The following MED27 variants were observed in gnomAD, a reference collection of about 807,000 sequenced individuals.
The protein encoded by MED27 is mediator complex subunit 27.
MED27 carries 30 observed loss-of-function variants against 38.2 expected under a neutral mutation model. The ratio of observed to expected loss-of-function variants is 0.79; its 90% confidence interval spans 0.59 to 1.07. MED27 has a LOEUF of 1.07. Ranked by LOEUF, MED27 falls within the 50% of genes least tolerant of loss-of-function variation. The pLI, the probability that MED27 is intolerant of heterozygous loss-of-function variation, is 0.00. For missense variants in MED27, 289 were observed against 397.5 expected (o/e 0.73, Z 2.32); for synonymous variants, 122 against 153.5 (o/e 0.79, Z 1.52).
chr9:131,886,139 C>T (rs1275291964), intron 5 of MED27, among the ~76,000 whole-genome samples: 2 of 152,222 alleles, frequency 1.3e-5, no homozygotes, highest in Non-Finnish European at 2.9e-5. Context: ...TGAAACCTGG[C>T]TTTCTGAAAA....
chr9:132,056,150 G>A (rs1210053208), intron 2 of MED27, among the ~76,000 whole-genome samples: 1 of 152,136 alleles, frequency 6.6e-6, no homozygotes, highest in African/African-American at 2.4e-5. Context: ...AATAACTATG[G>A]CATATTTGCT....
intron 3 of MED27, among the ~76,000 whole-genome samples, chr9:131,947,756 G>A (rs938102048): frequency 1.3e-5 from 2 of 151,662 alleles, no homozygotes; most frequent in Non-Finnish European, 2.9e-5. Flanking sequence ...TTAGCAGCTC[G>A]AGCCGGATTT....
intron 4 of MED27, among the ~76,000 whole-genome samples, chr9:131,937,631 C>T (rs1019183120): frequency 5.9e-5 from 9 of 152,280 alleles, no homozygotes; most frequent in African/African-American, 1.7e-4. Context: ...AATGCCAAAT[C>T]CCACCCTCAT....
chr9:131,966,621 G>A (rs1164005062), intron 3 of MED27, among the ~76,000 whole-genome samples: 2 of 152,010 alleles, frequency 1.3e-5, no homozygotes, highest in African/African-American at 4.8e-5. Flanking sequence ...TTAATGAAAT[G>A]GTTGAAAGCA....
chr9:131,867,790 G>A (rs1192346456), intron 6 of MED27, among the ~76,000 whole-genome samples: 1 of 152,240 alleles, frequency 6.6e-6, no homozygotes, highest in Non-Finnish European at 1.5e-5. Flanking sequence ...TGCGAGGCTG[G>A]TGAACACACA....
chr9:132,003,411 C>T lies in MED27; in HGVS notation c.479+10926G>A, dbSNP rs138660421. ...GGGTTTTAAATTTTAGTCTATGTCA[C>T]GATGGGTCTGAGACAAACCCAGGTC... On this transcript the variant is annotated intron_variant, in intron 3 of 7. Coordinates refer to ENST00000292035, the MANE Select transcript of MED27 (RefSeq NM_004269.4). This position sits in a 1 kb window ranked among gnomAD's most constrained non-coding sequence, Gnocchi z 4.2. Among the ~76,000 whole-genome samples the T allele has an allele frequency of 1.4e-3, 216 of 152,284 alleles. No homozygotes were observed. The highest frequency in any genetic ancestry group is 2.4e-3 in the Non-Finnish European group (162 of 68,028).
chr9:131,950,144 A>G (rs558308762), intron 3 of MED27, among the ~76,000 whole-genome samples: 13 of 152,240 alleles, frequency 8.5e-5, no homozygotes, highest in African/African-American at 3.1e-4. Flanking sequence ...TCTTTACGAG[A>G]GAGAAAAAAG....
At chr9:131,984,166 G>A (rs775259425) in intron 3 of MED27, among the ~76,000 whole-genome samples, 2 of 152,082 alleles carry the variant, frequency 1.3e-5, no homozygotes, top group East Asian at 1.9e-4. Context: ...TTCCCTGACC[G>A]TTCTTTTTAA....
chr9:131,998,111 C>G (rs1832134299), intron 3 of MED27, among the ~76,000 whole-genome samples: 1 of 152,078 alleles, frequency 6.6e-6, no homozygotes. Context: ...AAACCATCCC[C>G]TCCATTTGCA....
At position 132,065,383 on chromosome 9, in the gene MED27, G is replaced by A. The variant is rs752037021; in HGVS notation, c.348+12059C>T. Among the ~76,000 whole-genome samples, 6 of 152,174 alleles carry A rather than the reference G, an allele frequency of 3.9e-5. No individual in the cohort carries two copies. In the South Asian group the frequency reaches 8.3e-4, roughly 21 times the overall value. On this transcript the variant is annotated intron_variant, in intron 2 of 7. Transcript: ENST00000292035. ...ACGCAAACAGGGAAAGGAGAAGAGC[G>A]GCGGGCATCTCAACTTATGAACCCA...
chr9:132,079,673 C>G lies in MED27; in HGVS notation c.172G>C (p.Asp58His), dbSNP rs1834130868. 1.2e-6 allele frequency: 2 copies of G among 1,612,592 alleles called. No individual in the cohort carries two copies. The highest frequency in any genetic ancestry group is 1.3e-5 in the African/African-American group (1 of 74,860). ...REKAFIAHFQ[D>H]NLHSVNRDLN... ...TCCCGGTTGACCGAATGTAAGTTGTCCTGGAAGTGCGCAATAAAGGCCTTC... is the reference window on the plus strand; with the variant it reads ...TCCCGGTTGACCGAATGTAAGTTGTGCTGGAAGTGCGCAATAAAGGCCTTC... The change falls in exon 1 of 8, where the codon GAC (aspartate) becomes CAC (histidine). Residue 58 changes from aspartate to histidine, a missense_variant. By Grantham distance (81) the Asp-to-His change is moderately conservative. Transcript: ENST00000292035.
At chr9:131,925,185 G>A (rs900423268) in intron 4 of MED27, among the ~76,000 whole-genome samples, 16 of 152,190 alleles carry the variant, frequency 1.1e-4, no homozygotes, top group African/African-American at 3.6e-4. Flanking sequence ...TGTAGCCCAC[G>A]GGTACTATGG....
rs56741813 is a variant in MED27 at position 131,945,795 on chromosome 9, TAA to T, written c.480-6323_480-6322del. On this transcript the variant is annotated intron_variant, in intron 3 of 7. Transcript: ENST00000292035. The stretch of plus-strand genomic sequence containing the variant: ...GGCAACATGGCAAGATCCTGTCTCT[TAA>T]AAAAAAAAAAAAAAAAAAAAGTTAG... Among the ~76,000 whole-genome samples the T allele has an allele frequency of 2.5e-3, 294 of 118,938 alleles. 1 individual carries two copies. The highest frequency in any genetic ancestry group is 6.9e-3 in the African/African-American group (218 of 31,638). 78.0% of individuals were successfully genotyped at this position (118,938 alleles called of 152,430 possible). A position where few individuals can be genotyped will look rare whatever the true frequency, so the allele number is the denominator to read the frequency against.
intron 2 of MED27, among the ~76,000 whole-genome samples, chr9:132,070,316 G>A (rs1833907797): frequency 1.3e-5 from 2 of 152,202 alleles, no homozygotes. Flanking sequence ...AGCACTTTGG[G>A]AGGCCAAGGC....
At position 131,883,988 on chromosome 9, in the gene MED27, A is replaced by G. The variant is rs781445552; in HGVS notation, c.723+70T>C. The G allele has an allele frequency of 2.2e-6, 3 of 1,339,972 alleles. No individual in the cohort carries two copies. In the East Asian group the frequency reaches 7.0e-5, roughly 31 times the overall value. The allele number at this position is 1,339,972 out of a possible 1,614,324, so 83.0% of individuals were successfully genotyped here. On this transcript the variant is annotated intron_variant, in intron 6 of 7. Transcript: ENST00000292035. The surrounding 1 kb of genome is among the most constrained non-coding windows in gnomAD (Gnocchi z 4.2). ...TTTCAAAAGCCTCTGATTTGAGACC[A>G]ATGTTTAAACCTCAAAGCATTCACG...
intron 3 of MED27, among the ~76,000 whole-genome samples, chr9:132,006,045 C>T (rs1334114923): frequency 6.6e-6 from 1 of 152,186 alleles, no homozygotes; most frequent in Non-Finnish European, 1.5e-5. Flanking sequence ...CATAGCCTCT[C>T]TGTGGTATTT....
At chr9:132,018,686 C>T (rs116393162) in intron 2 of MED27, among the ~76,000 whole-genome samples, 1 of 152,188 alleles carries the variant, frequency 6.6e-6, no homozygotes, top group Non-Finnish European at 1.5e-5. Context: ...GTCCCTGCTA[C>T]AGCATCCCAT....
At chr9:131,885,869 T>C (rs899428916) in intron 5 of MED27, among the ~76,000 whole-genome samples, 1 of 152,104 alleles carries the variant, frequency 6.6e-6, no homozygotes, top group African/African-American at 2.4e-5. Context: ...AAAGTTGACT[T>C]TAATATATGA....
At chr9:132,007,041 T>C (rs1469696673) in intron 3 of MED27, among the ~76,000 whole-genome samples, 2 of 152,178 alleles carry the variant, frequency 1.3e-5, no homozygotes, top group African/African-American at 4.8e-5. Flanking sequence ...AAAATGAGCC[T>C]CTTTCAGTTA....
Sources: gnomAD v4.1 joint callset for allele counts (sites outside exome capture counted in the v4.1 genomes callset) on GRCh38, gnomAD v4.1.1 for gene constraint, Gnocchi (gnomAD v3.1) non-coding constraint, MANE v1.5 for transcripts, NCBI Gene and HGNC (gene_info 2026-07-23, HGNC 2026-07-21) for gene names.